The following XYLT1 variants were observed in gnomAD, a reference collection of about 807,000 sequenced individuals.
The protein encoded by XYLT1 is xylosyltransferase 1, also known as beta-D-xylosyltransferase 1.
XYLT1 carries 36 observed loss-of-function variants against 91.3 expected under a neutral mutation model. The ratio of observed to expected loss-of-function variants is 0.39; its 90% confidence interval spans 0.30 to 0.52. XYLT1 has a LOEUF of 0.52. Ranked by LOEUF, XYLT1 falls within the 20% of genes least tolerant of loss-of-function variation. The pLI, the probability that XYLT1 is intolerant of heterozygous loss-of-function variation, is 0.68. For missense variants in XYLT1, 1,242 were observed against 1,284.5 expected (o/e 0.97, Z 0.51); for synonymous variants, 588 against 532.0 (o/e 1.11, Z -1.45).
At chr16:17,241,164 A>G (rs1162744684) in intron 3 of XYLT1, among the ~76,000 whole-genome samples, 1 of 152,236 alleles carries the variant, frequency 6.6e-6, no homozygotes, top group Non-Finnish European at 1.5e-5. Context: ...TTAATCAGCC[A>G]CTGGGGTCCT....
At chr16:17,129,781 G>T (rs781553950) in intron 9 of XYLT1, among the ~76,000 whole-genome samples, 43 of 152,314 alleles carry the variant, frequency 2.8e-4, no homozygotes, top group Non-Finnish European at 2.6e-4. Context: ...GTAGCCACTT[G>T]TGGCTACCGT....
At chr16:17,440,793 G>A (rs549722741) in intron 1 of XYLT1, among the ~76,000 whole-genome samples, 3 of 152,244 alleles carry the variant, frequency 2.0e-5, no homozygotes, top group South Asian at 2.1e-4. Context: ...TAATAACCCA[G>A]GCTGGAGAAG....
intron 1 of XYLT1, among the ~76,000 whole-genome samples, chr16:17,440,465 T>C (rs1421276584): frequency 6.6e-5 from 10 of 152,212 alleles, no homozygotes; most frequent in Non-Finnish European, 1.5e-4. Context: ...GCATTCAATG[T>C]CAGCCATTTC....
chr16:17,219,084 C>T (rs2032913009), intron 3 of XYLT1, among the ~76,000 whole-genome samples: 1 of 151,908 alleles, frequency 6.6e-6, no homozygotes, highest in East Asian at 1.9e-4. Context: ...GAGTTCAAGA[C>T]CATCCTGGCC....
At chr16:17,326,277 C>A (rs1462329053) in intron 2 of XYLT1, among the ~76,000 whole-genome samples, 1 of 152,208 alleles carries the variant, frequency 6.6e-6, no homozygotes, top group Non-Finnish European at 1.5e-5. Context: ...TCTTGCAGAA[C>A]TGAAACTTTA....
intron 1 of XYLT1, among the ~76,000 whole-genome samples, chr16:17,430,564 G>A (rs2036378902): frequency 1.3e-5 from 2 of 152,262 alleles, no homozygotes; most frequent in African/African-American, 4.8e-5. Context: ...TTCCTGGAGG[G>A]GCCCCCAGTC....
At chr16:17,349,217 C>G (rs1407896808) in intron 2 of XYLT1, among the ~76,000 whole-genome samples, 2 of 152,232 alleles carry the variant, frequency 1.3e-5, no homozygotes, top group African/African-American at 4.8e-5. Context: ...CCCATGTGCT[C>G]TGGATTGCCA....
chr16:17,243,634 C>A (rs8045551), intron 3 of XYLT1, among the ~76,000 whole-genome samples: 4,693 of 152,266 alleles, frequency 0.031, 199 homozygotes, highest in African/African-American at 0.097. Flanking sequence ...AGCTAAAATT[C>A]AAACCCAAGC....
chr16:17,455,941 T>C (rs1466094086), intron 1 of XYLT1, among the ~76,000 whole-genome samples: 5 of 152,244 alleles, frequency 3.3e-5, no homozygotes, highest in African/African-American at 1.2e-4. Flanking sequence ...TTAATTATTT[T>C]TTCTCACCGT....
intron 1 of XYLT1, among the ~76,000 whole-genome samples, chr16:17,464,315 C>T (rs1489233813): frequency 1.3e-5 from 2 of 152,036 alleles, no homozygotes; most frequent in Non-Finnish European, 2.9e-5. Context: ...ACGGCAAAAC[C>T]TCATCTCTAC....
At chr16:17,248,027 T>C (rs6498672) in intron 3 of XYLT1, among the ~76,000 whole-genome samples, 95,758 of 151,972 alleles carry the variant, frequency 0.63, 30,763 homozygotes, top group South Asian at 0.72. Flanking sequence ...GGGGCTGATA[T>C]AGTTTGGCTG....
intron 2 of XYLT1, among the ~76,000 whole-genome samples, chr16:17,285,086 T>C (rs1230720684): frequency 6.6e-6 from 1 of 152,152 alleles, no homozygotes; most frequent in Non-Finnish European, 1.5e-5. Flanking sequence ...GAAACAAAGG[T>C]GGATGCAGCC....
chr16:17,284,896 A>G (rs1248259343), intron 2 of XYLT1, among the ~76,000 whole-genome samples: 1 of 152,236 alleles, frequency 6.6e-6, no homozygotes, highest in Admixed American at 6.5e-5. Flanking sequence ...CATACAGCAC[A>G]GGAAAGCAAG....
intron 2 of XYLT1, among the ~76,000 whole-genome samples, chr16:17,300,775 A>T (rs1343119710): frequency 6.6e-6 from 1 of 152,052 alleles, no homozygotes; most frequent in Non-Finnish European, 1.5e-5. Flanking sequence ...AGCTATTAAA[A>T]AGAATGGGGG....
intron 2 of XYLT1, among the ~76,000 whole-genome samples, chr16:17,307,464 T>G (rs1327027387): frequency 2.0e-5 from 3 of 152,208 alleles, no homozygotes; most frequent in African/African-American, 7.2e-5. Flanking sequence ...CATCTCTATT[T>G]TATTTATATT....
At chr16:17,459,362 T>A (rs1346976167) in intron 1 of XYLT1, among the ~76,000 whole-genome samples, 3 of 151,690 alleles carry the variant, frequency 2.0e-5, no homozygotes, top group Non-Finnish European at 4.4e-5. Flanking sequence ...ACGTAAGGAG[T>A]CCCTGTCTCA....
intron 1 of XYLT1, among the ~76,000 whole-genome samples, chr16:17,450,946 G>C (rs1243526869): frequency 2.0e-5 from 3 of 152,158 alleles, no homozygotes; most frequent in Non-Finnish European, 4.4e-5. Context: ...TCCGAGTTGG[G>C]GACATCATCA....
At chr16:17,359,203 T>G (rs953017362) in intron 1 of XYLT1, among the ~76,000 whole-genome samples, 3 of 152,192 alleles carry the variant, frequency 2.0e-5, no homozygotes, top group Non-Finnish European at 4.4e-5. Flanking sequence ...CTTCCTCTGA[T>G]AGAGAATGGG....
chr16:17,186,512 C>T (rs902419976), intron 5 of XYLT1, among the ~76,000 whole-genome samples: 1 of 142,380 alleles, frequency 7.0e-6, no homozygotes, highest in African/African-American at 2.7e-5. Flanking sequence ...GCTTTGTTGC[C>T]CAAGCTGGTC....
Sources: gnomAD v4.1 joint callset for allele counts (sites outside exome capture counted in the v4.1 genomes callset) on GRCh38, gnomAD v4.1.1 for gene constraint, MANE v1.5 for transcripts, NCBI Gene and HGNC (gene_info 2026-07-23, HGNC 2026-07-21) for gene names.